Variants in JADE1 observed in about 807,000 individuals in gnomAD.
The protein encoded by JADE1 is jade family PHD finger 1.
Under a neutral mutation model 81.8 loss-of-function variants are expected in JADE1, and 14 were observed. The observed-to-expected ratio is 0.17, with a 90% CI of 0.11 to 0.27. JADE1 has a LOEUF of 0.27. Among genes scored for constraint, JADE1 ranks in the 10% least tolerant of loss-of-function variants. The pLI is 1.00. For synonymous variants in JADE1, 353 were observed against 391.9 expected (o/e 0.90, Z 1.17); for missense variants, 690 against 1,047.9 (o/e 0.66, Z 4.71).
intron 9 of JADE1, chr4:128,862,759 C>T (rs1369483314): frequency 1.0e-6 from 1 of 1,004,692 alleles, no homozygotes; most frequent in Non-Finnish European, 1.2e-6. Context: ...GGGTAATTCA[C>T]AGGGGAATTC....
At chr4:128,834,503 A>G (rs1278477379) in intron 2 of JADE1, among the ~76,000 whole-genome samples, 1 of 150,982 alleles carries the variant, frequency 6.6e-6, no homozygotes, top group Non-Finnish European at 1.5e-5. Flanking sequence ...AATTCAGCCC[A>G]TAAAAGCCCT....
intron 2 of JADE1, among the ~76,000 whole-genome samples, chr4:128,841,997 A>G (rs1265807112): frequency 6.6e-6 from 1 of 152,182 alleles, no homozygotes; most frequent in Non-Finnish European, 1.5e-5. Context: ...GGGAGGCCAG[A>G]TGATAGGAGT....
At chr4:128,810,180 C>T (rs894501809) in intron 1 of JADE1, 1 of 151,934 alleles carries the variant, frequency 6.6e-6, no homozygotes, top group Non-Finnish European at 1.5e-5. Flanking sequence ...GGGAGGCAGC[C>T]GCTGAGCGCA....
intron 9 of JADE1, among the ~76,000 whole-genome samples, chr4:128,866,567 C>T (rs1233106188): frequency 6.6e-6 from 1 of 152,218 alleles, no homozygotes; most frequent in Non-Finnish European, 1.5e-5. Context: ...CTTCACAAGG[C>T]TTGTTGATGC....
intron 9 of JADE1, chr4:128,862,444 T>G: frequency 7.1e-7 from 1 of 1,403,804 alleles, no homozygotes; most frequent in Non-Finnish European, 9.2e-7. Context: ...TGTGGTTTTT[T>G]TTTTTTTAAA....
At chr4:128,857,703 G>A (rs150373800) in intron 8 of JADE1, among the ~76,000 whole-genome samples, 284 of 152,246 alleles carry the variant, frequency 1.9e-3, no homozygotes, top group Non-Finnish European at 3.1e-3. Flanking sequence ...GCTGTGAGGC[G>A]GTTGCAGTTT....
intron 1 of JADE1, among the ~76,000 whole-genome samples, chr4:128,831,114 G>T (rs1273521937): frequency 2.0e-5 from 3 of 152,196 alleles, no homozygotes; most frequent in African/African-American, 7.2e-5. Flanking sequence ...TTCCTAATGT[G>T]AAAGGGAGGG....
At chr4:128,825,785 A>G (rs1032762617) in intron 1 of JADE1, among the ~76,000 whole-genome samples, 1 of 152,234 alleles carries the variant, frequency 6.6e-6, no homozygotes, top group African/African-American at 2.4e-5. Flanking sequence ...TTTAACCCAC[A>G]TGACAGAAGG....
intron 5 of JADE1, among the ~76,000 whole-genome samples, chr4:128,849,715 A>C (rs1730185266): frequency 6.6e-6 from 1 of 152,116 alleles, no homozygotes; most frequent in Non-Finnish European, 1.5e-5. Context: ...GCCTGACATT[A>C]GCTGTGTGCC....
At chr4:128,866,541 G>GCAAA (rs1456566126) in intron 9 of JADE1, among the ~76,000 whole-genome samples, 2 of 152,248 alleles carry the variant, frequency 1.3e-5, no homozygotes, top group Non-Finnish European at 2.9e-5. Context: ...ACACCAGAGT[G>GCAAA]CAAAATCTTT....
intron 1 of JADE1, among the ~76,000 whole-genome samples, chr4:128,819,970 G>A (rs773649878): frequency 2.0e-5 from 3 of 152,178 alleles, no homozygotes; most frequent in Non-Finnish European, 2.9e-5. Flanking sequence ...CTACTTATGT[G>A]TGTTTGTGCA....
chr4:128,816,650 T>C (rs1319432383), intron 1 of JADE1, among the ~76,000 whole-genome samples: 7 of 152,184 alleles, frequency 4.6e-5, no homozygotes, highest in Non-Finnish European at 8.8e-5. Context: ...AAAGGGGCCA[T>C]GTATTTTTAC....
Position 128,861,843 on chromosome 4 carries a change from C to T in JADE1, c.1121C>T (p.Pro374Leu), listed in dbSNP as rs1245058889. 1 of 1,614,152 alleles carries T rather than the reference C, an allele frequency of 6.2e-7. No individual in the cohort carries two copies. Among genetic ancestry groups the T allele is most frequent in the African/African-American group, 1.3e-5 (1 of 75,048 alleles). The change falls in exon 9 of 11, where the codon CCC (proline) becomes CTC (leucine). Residue 374 changes from proline (P) to leucine (L), a missense_variant. This residue lies in a region of JADE1 where 77 missense variants were observed against 76.4 expected (regional missense o/e 1.01). Coordinates refer to ENST00000226319, the MANE Select transcript of JADE1 (RefSeq NM_199320.4). ...YCPKHSSHRKPEESLGKGAAQ... is the reference protein window; with the variant it reads ...YCPKHSSHRKLEESLGKGAAQ... ...CCAAAGCACAGCTCACATAGGAAAC[C>T]CGAGGAGAGTCTTGGCAAGGGGGCT... is the stretch of plus-strand genomic sequence containing the variant.
At chr4:128,838,278 T>C (rs1204002194) in intron 2 of JADE1, among the ~76,000 whole-genome samples, 1 of 152,210 alleles carries the variant, frequency 6.6e-6, no homozygotes, top group Non-Finnish European at 1.5e-5. Context: ...CATGAGGTAA[T>C]GTAATATAGA....
At chr4:128,817,273 G>A (rs1727127552) in intron 1 of JADE1, among the ~76,000 whole-genome samples, 1 of 120,346 alleles carries the variant, frequency 8.3e-6, no homozygotes, top group Admixed American at 9.4e-5. Flanking sequence ...TTGAACTCCA[G>A]AGCTGAGTCC....
At chr4:128,842,005 A>G (rs915300954) in intron 2 of JADE1, among the ~76,000 whole-genome samples, 1 of 152,166 alleles carries the variant, frequency 6.6e-6, no homozygotes, top group Non-Finnish European at 1.5e-5. Context: ...AGATGATAGG[A>G]GTAGACCCCC....
At chr4:128,813,529 C>T (rs569031632) in intron 1 of JADE1, among the ~76,000 whole-genome samples, 6 of 151,312 alleles carry the variant, frequency 4.0e-5, no homozygotes, top group African/African-American at 1.5e-4. Context: ...AGCGATTCTC[C>T]TGCCTCAGCC....
intron 3 of JADE1, among the ~76,000 whole-genome samples, chr4:128,844,068 C>G (rs188888905): frequency 6.6e-6 from 1 of 152,190 alleles, no homozygotes; most frequent in South Asian, 2.1e-4. Flanking sequence ...CTTTAGTGCT[C>G]TCTTCCTTTT....
intron 2 of JADE1, among the ~76,000 whole-genome samples, chr4:128,834,558 G>T: frequency 7.1e-6 from 1 of 140,096 alleles, no homozygotes; most frequent in African/African-American, 2.7e-5. Context: ...TTTTGAGATG[G>T]AGTCTTTGCT....
Sources: allele counts gnomAD v4.1 joint callset (sites outside exome capture counted in the v4.1 genomes callset), GRCh38; gene constraint gnomAD v4.1.1; regional missense constraint gnomAD v4.1.1; transcripts MANE v1.5; gene names NCBI Gene and HGNC (gene_info 2026-07-23, HGNC 2026-07-21).